Variants in CHD9 observed in about 807,000 individuals in gnomAD.
The protein encoded by CHD9 is ATP-dependent chromatin remodeler CHD9.
Under a neutral mutation model 316.1 loss-of-function variants are expected in CHD9, and 77 were observed. The ratio of observed to expected loss-of-function variants is 0.24; its 90% CI spans 0.20 to 0.29. The LOEUF is 0.29. Among genes scored for constraint, CHD9 ranks in the 10% least tolerant of loss-of-function variants. The pLI, the probability that CHD9 is intolerant of heterozygous loss-of-function variation, is 1.00. For missense variants in CHD9, 2,763 were observed against 3,438.1 expected (o/e 0.80, Z 4.91); for synonymous variants, 1,129 against 1,158.3 (o/e 0.97, Z 0.51).
At chr16:53,145,011 A>C (rs1351831020) in intron 1 of CHD9, among the ~76,000 whole-genome samples, 1 of 149,506 alleles carries the variant, frequency 6.7e-6, no homozygotes, top group Non-Finnish European at 1.5e-5. Context: ...AAAAAAAAAA[A>C]GTTCATTTAG....
At chr16:53,098,908 C>G (rs2036602097) in intron 1 of CHD9, among the ~76,000 whole-genome samples, 1 of 152,160 alleles carries the variant, frequency 6.6e-6, no homozygotes, top group South Asian at 2.1e-4. Flanking sequence ...GTTCTCAGAG[C>G]CAGGCCAAAG....
At chr16:53,132,862 G>T (rs1319222219) in intron 1 of CHD9, among the ~76,000 whole-genome samples, 11 of 137,472 alleles carry the variant, frequency 8.0e-5, no homozygotes, top group Admixed American at 7.8e-4. Flanking sequence ...AGGCTGGAGC[G>T]CAGTGACGCC....
At chr16:53,260,293 A>G (rs2050971878) in intron 19 of CHD9, among the ~76,000 whole-genome samples, 1 of 152,194 alleles carries the variant, frequency 6.6e-6, no homozygotes, top group African/African-American at 2.4e-5. Context: ...AGCCTAGGCA[A>G]CAAAGTGAAA....
chr16:53,247,122 TTGG>T (rs2049703786), intron 15 of CHD9, among the ~76,000 whole-genome samples, 168 bp from the exon 16 acceptor site: 1 of 152,224 alleles, frequency 6.6e-6, no homozygotes, highest in Admixed American at 6.5e-5. Flanking sequence ...CAGTCTGGTA[TTGG>T]TGGAGGTTCA....
chr16:53,266,585 C>G (rs1451176579), intron 20 of CHD9, among the ~76,000 whole-genome samples: 2 of 152,118 alleles, frequency 1.3e-5, no homozygotes, highest in Admixed American at 1.3e-4. Flanking sequence ...AATTTCATCC[C>G]AAATAGCATT....
At position 53,303,786 on chromosome 16, in the gene CHD9, G is replaced by A; in HGVS notation, c.5780G>A (p.Arg1927His). 5 of 1,613,830 alleles carry A rather than the reference G, an allele frequency of 3.1e-6. No homozygotes were observed. Among genetic ancestry groups the A allele is most frequent in the South Asian group, 1.1e-5 (1 of 91,078 alleles). ...GAACGTGCTTCTAGGACTTTGTATCGCATTGAACTTCTAAGGAAAGTACGG... is the reference window on the plus strand; with the variant it reads ...GAACGTGCTTCTAGGACTTTGTATCACATTGAACTTCTAAGGAAAGTACGG... ...TEERASRTLY[R>H]IELLRKVREQ... The change falls in exon 31 of 39, where the codon CGC becomes CAC. Residue 1927 changes from arginine to histidine, a missense_variant. Arg to His is a conservative substitution (Grantham distance 29). Coordinates refer to ENST00000447540, the MANE Select transcript of CHD9 (RefSeq NM_001308319.2).
intron 29 of CHD9, among the ~76,000 whole-genome samples, chr16:53,294,438 C>T (rs772694807): frequency 1.5e-4 from 23 of 152,206 alleles, no homozygotes; most frequent in Non-Finnish European, 2.4e-4. Context: ...AAACACAATG[C>T]TTTAAAACAG....
intron 2 of CHD9, among the ~76,000 whole-genome samples, chr16:53,185,095 T>C (rs993141725): frequency 2.0e-5 from 3 of 151,696 alleles, no homozygotes; most frequent in Non-Finnish European, 4.4e-5. Flanking sequence ...CCAAAGAGAG[T>C]GGGGCACTGC....
At chr16:53,127,624 G>A (rs960493772) in intron 1 of CHD9, among the ~76,000 whole-genome samples, 4 of 152,026 alleles carry the variant, frequency 2.6e-5, no homozygotes, top group Admixed American at 2.6e-4. Flanking sequence ...TGGGGGCGGG[G>A]GGGAATCCCT....
intron 1 of CHD9, among the ~76,000 whole-genome samples, chr16:53,070,134 G>T (rs2033885511): frequency 6.6e-6 from 1 of 151,218 alleles, no homozygotes; most frequent in Non-Finnish European, 1.5e-5. Flanking sequence ...TGAGTTGTGG[G>T]GTTCTTTATC....
chr16:53,063,498 G>A (rs1318130925), intron 1 of CHD9, among the ~76,000 whole-genome samples: 2 of 151,080 alleles, frequency 1.3e-5, no homozygotes. Flanking sequence ...CTGCCCTTTG[G>A]TTGCCATACT....
intron 2 of CHD9, among the ~76,000 whole-genome samples, chr16:53,189,031 A>T (rs546107610): frequency 6.6e-6 from 1 of 152,042 alleles, no homozygotes; most frequent in South Asian, 2.1e-4. Context: ...AAAAAGCTTG[A>T]CATCAGATAT....
chr16:53,257,554 G>A (rs938940600), intron 19 of CHD9, among the ~76,000 whole-genome samples: 4 of 151,682 alleles, frequency 2.6e-5, no homozygotes, highest in Non-Finnish European at 5.9e-5. Context: ...TGAGAAGGAA[G>A]AGTCAGAAAT....
chr16:53,218,191 G>T (rs1053107671), intron 3 of CHD9, among the ~76,000 whole-genome samples: 1 of 152,010 alleles, frequency 6.6e-6, no homozygotes, highest in South Asian at 2.1e-4. Context: ...ATCTGAAAAC[G>T]ATTTTTGCAT....
At chr16:53,128,169 A>T (rs1016572427) in intron 1 of CHD9, among the ~76,000 whole-genome samples, 1 of 149,502 alleles carries the variant, frequency 6.7e-6, no homozygotes, top group South Asian at 2.1e-4. Context: ...AAAGACATTG[A>T]GTAGGAATGG....
chr16:53,248,671 A>G (rs1404493860), intron 16 of CHD9, among the ~76,000 whole-genome samples: 1 of 151,212 alleles, frequency 6.6e-6, no homozygotes, highest in African/African-American at 2.4e-5. Flanking sequence ...GACTACAAGC[A>G]TGCACTACCA....
intron 1 of CHD9, among the ~76,000 whole-genome samples, chr16:53,074,435 C>A (rs2034352946): frequency 6.6e-6 from 1 of 152,128 alleles, no homozygotes; most frequent in Non-Finnish European, 1.5e-5. Context: ...AATGTTAATC[C>A]CCAGGACAAT....
At chr16:53,314,349 C>T (rs370608190) in intron 34 of CHD9, 28 bp from the exon 35 acceptor site, 4 of 1,496,532 alleles carry the variant, frequency 2.7e-6, no homozygotes, top group African/African-American at 2.8e-5. Flanking sequence ...AAATTTGTAT[C>T]ACCATTTTGC....
At chr16:53,235,695 T>C (rs1028299318) in intron 11 of CHD9, among the ~76,000 whole-genome samples, 1 of 152,176 alleles carries the variant, frequency 6.6e-6, no homozygotes, top group African/African-American at 2.4e-5. Context: ...TCATTTAATG[T>C]AAATTATCAA....
Sources: gnomAD v4.1 joint callset for allele counts (sites outside exome capture counted in the v4.1 genomes callset) on GRCh38, gnomAD v4.1.1 for gene constraint, MANE v1.5 for transcripts, NCBI Gene and HGNC (gene_info 2026-07-23, HGNC 2026-07-21) for gene names.